FSTL4: variants seen among roughly 807,000 people sequenced by gnomAD.
FSTL4 encodes the protein follistatin-related protein 4.
A neutral mutation model predicts 78.2 loss-of-function variants in FSTL4; 28 were observed. The ratio of observed to expected loss-of-function variants is 0.36; its 90% CI spans 0.27 to 0.49. FSTL4 has a LOEUF of 0.49. Among genes scored for constraint, FSTL4 ranks in the 20% least tolerant of loss-of-function variants. The probability of loss-of-function intolerance (pLI) is 0.98; values close to 1 mark genes in which losing one functional copy is unlikely to be tolerated. For synonymous variants in FSTL4, 422 were observed against 440.5 expected (o/e 0.96, Z 0.53); for missense variants, 922 against 1,084.9 (o/e 0.85, Z 2.11).
At chr5:133,467,816 C>T (rs1473204802) in intron 3 of FSTL4, among the ~76,000 whole-genome samples, 1 of 152,216 alleles carries the variant, frequency 6.6e-6, no homozygotes, top group Non-Finnish European at 1.5e-5. Flanking sequence ...TTTGCTCAGA[C>T]ACTGCTGGCT....
intron 6 of FSTL4, among the ~76,000 whole-genome samples, chr5:133,288,211 T>A (rs879118403): frequency 6.6e-6 from 1 of 152,250 alleles, no homozygotes; most frequent in African/African-American, 2.4e-5. Flanking sequence ...TAGGTAGCCC[T>A]GGGAGTGAGT....
chr5:133,660,234 A>G, the FSTL4 span, among the ~76,000 whole-genome samples: 2 of 152,206 alleles, frequency 1.3e-5, no homozygotes, highest in Non-Finnish European at 2.9e-5. Context: ...GTGAAGAAGG[A>G]GACCCTCTCC....
chr5:133,199,526 A>G lies in FSTL4; in HGVS notation c.2098T>C (p.Phe700Leu). The change falls in exon 16 of 16, where the codon TTC becomes CTC. Residue 700 changes from phenylalanine (F) to leucine (L), a missense_variant. By Grantham distance (22) the Phe-to-Leu change is conservative (BLOSUM62 0). Coordinates refer to ENST00000265342, the MANE Select transcript of FSTL4 (RefSeq NM_015082.2). This position sits in a 1 kb window ranked among gnomAD's most constrained non-coding sequence, Gnocchi z 4.4. The part of the protein sequence containing the change: ...GTPHTSPDGR[F>L]IVSAAADSPW... ...CTGTCAGCTGCAGCACTGACTATGA[A>G]GCGCCCGTCGGGGGATGTGTGTGGG... 1 of 1,614,086 alleles carries G rather than the reference A, an allele frequency of 6.2e-7. No individual in the cohort carries two copies. The highest frequency in any genetic ancestry group is 8.5e-7 in the Non-Finnish European group (1 of 1,179,934).
Position 133,455,018 on chromosome 5 carries a change from G to A in FSTL4, c.161-54032C>T, listed in dbSNP as rs535240268. 3.3e-5 allele frequency among the ~76,000 whole-genome samples: 5 copies of A among 152,346 alleles called. No homozygotes were observed. In the East Asian group the frequency reaches 7.7e-4, roughly 23 times the overall value. Reference sequence around the variant, plus strand: ...CCCCACTCCCAGCCCAGTACTTGGTGCAGAGTAGCCCTCACTCAACATGGG... The same window carrying A: ...CCCCACTCCCAGCCCAGTACTTGGTACAGAGTAGCCCTCACTCAACATGGG... On this transcript the variant is annotated intron_variant, in intron 3 of 15. Coordinates refer to ENST00000265342, the MANE Select transcript of FSTL4 (RefSeq NM_015082.2).
chr5:133,326,979 C>T (rs1754228557), intron 4 of FSTL4, among the ~76,000 whole-genome samples: 1 of 152,206 alleles, frequency 6.6e-6, no homozygotes, highest in Admixed American at 6.5e-5. Context: ...ACTCCTTAGT[C>T]CCAACACCAG....
chr5:133,447,527 A>T (rs1292527318), intron 3 of FSTL4, among the ~76,000 whole-genome samples: 1 of 151,986 alleles, frequency 6.6e-6, no homozygotes, highest in Non-Finnish European at 1.5e-5. Context: ...TGTATGTGGG[A>T]TTATAATTTC....
chr5:133,294,486 G>A (rs569238646), intron 6 of FSTL4, among the ~76,000 whole-genome samples: 1 of 152,320 alleles, frequency 6.6e-6, no homozygotes, highest in South Asian at 2.1e-4. Context: ...CTTTGCTGCA[G>A]TCACCTGCTG....
rs1751538025 is a variant in FSTL4, at chr5:133,232,938, T to C, written c.1015+479A>G. Reference sequence around the variant, plus strand: ...TGTCCTGGCTTGGCTAAGATGAGGCTCATTGGGCCTCCTGGGGAGGGAGAC... The same window carrying C: ...TGTCCTGGCTTGGCTAAGATGAGGCCCATTGGGCCTCCTGGGGAGGGAGAC... On this transcript the variant is annotated intron_variant, in intron 8 of 15. Transcript: ENST00000265342. Among the ~76,000 whole-genome samples the C allele has an allele frequency of 2.0e-5, 3 of 152,344 alleles. No homozygotes were observed. In the South Asian group the frequency reaches 6.2e-4, roughly 32 times the overall value.
chr5:133,771,702 C>T, the FSTL4 span, among the ~76,000 whole-genome samples: 9 of 152,102 alleles, frequency 5.9e-5, no homozygotes, highest in Non-Finnish European at 1.3e-4. Flanking sequence ...TTGACTTCCT[C>T]TTTTCCAATC....
At chr5:133,701,087 G>A in the FSTL4 span, among the ~76,000 whole-genome samples, 1 of 152,022 alleles carries the variant, frequency 6.6e-6, no homozygotes, top group African/African-American at 2.4e-5. Flanking sequence ...TGCCCCAGGG[G>A]GACATTCCAT....
the FSTL4 span, among the ~76,000 whole-genome samples, chr5:133,699,838 G>A: frequency 4.7e-5 from 6 of 127,384 alleles, no homozygotes; most frequent in South Asian, 5.3e-4. Flanking sequence ...CCGAGATAGC[G>A]CCACTGTAGT....
chr5:133,519,765 C>G (rs1210461565), intron 3 of FSTL4, among the ~76,000 whole-genome samples: 1 of 152,142 alleles, frequency 6.6e-6, no homozygotes, highest in East Asian at 1.9e-4. Context: ...AACAAGAAAT[C>G]AAAATAAGTC....
chr5:133,210,573 A>G (rs149007057), intron 13 of FSTL4, among the ~76,000 whole-genome samples: 6 of 151,622 alleles, frequency 4.0e-5, no homozygotes, highest in African/African-American at 1.5e-4. Context: ...GCTCACTGCA[A>G]CCTCCGCCTC....
At chr5:133,217,876 T>G (rs1341466490) in intron 12 of FSTL4, among the ~76,000 whole-genome samples, 1 of 152,112 alleles carries the variant, frequency 6.6e-6, no homozygotes, top group African/African-American at 2.4e-5. Context: ...GCTGATCCTC[T>G]GTTGCTGGAC....
the FSTL4 span, among the ~76,000 whole-genome samples, chr5:133,787,774 C>T: frequency 6.6e-6 from 1 of 152,248 alleles, no homozygotes; most frequent in Non-Finnish European, 1.5e-5. Flanking sequence ...CCTGTGCTCA[C>T]TCTGCCCTTC....
chr5:133,280,210 G>A (rs1227557474), intron 6 of FSTL4, among the ~76,000 whole-genome samples: 2 of 152,204 alleles, frequency 1.3e-5, no homozygotes, highest in Non-Finnish European at 2.9e-5. Context: ...AGGCCTCAAT[G>A]TGGCCACCTG....
intron 6 of FSTL4, among the ~76,000 whole-genome samples, chr5:133,257,404 TA>T (rs2126831040): frequency 6.6e-6 from 1 of 152,284 alleles, no homozygotes; most frequent in South Asian, 2.1e-4. Flanking sequence ...TAGTCTGATG[TA>T]GTATCCTCCT....
chr5:133,258,831 T>G (rs1752445143), intron 6 of FSTL4, among the ~76,000 whole-genome samples: 1 of 152,160 alleles, frequency 6.6e-6, no homozygotes, highest in African/African-American at 2.4e-5. Context: ...TTAACGTATT[T>G]CCACTGAAGA....
chr5:133,599,697 G>A (rs570512738), intron 2 of FSTL4, among the ~76,000 whole-genome samples: 7 of 152,328 alleles, frequency 4.6e-5, no homozygotes, highest in African/African-American at 1.7e-4. Flanking sequence ...CAGCAAATGG[G>A]TGAGATGCTG....
Sources: gnomAD v4.1 joint callset for allele counts (sites outside exome capture counted in the v4.1 genomes callset) on GRCh38, gnomAD v4.1.1 for gene constraint, Gnocchi (gnomAD v3.1) non-coding constraint, MANE v1.5 for transcripts, NCBI Gene and HGNC (gene_info 2026-07-23, HGNC 2026-07-21) for gene names.